PPP2R5E: variants seen among roughly 807,000 people sequenced by gnomAD.
PPP2R5E encodes the protein protein phosphatase 2 regulatory subunit B'epsilon, also known as serine/threonine-protein phosphatase 2A 56 kDa regulatory subunit epsilon isoform.
Under a neutral mutation model 65.3 loss-of-function variants are expected in PPP2R5E, and 4 were observed. That is an observed-to-expected ratio of 0.06 (90% CI 0.03 to 0.14). The LOEUF is 0.14. PPP2R5E is among the 10% of genes least tolerant of loss of function. PPP2R5E has a pLI of 1.00. For missense variants in PPP2R5E, 274 were observed against 556.1 expected (o/e 0.49, Z 5.10); for synonymous variants, 183 against 187.4 (o/e 0.98, Z 0.19).
intron 5 of PPP2R5E, among the ~76,000 whole-genome samples, chr14:63,401,408 G>A (rs1885745695): frequency 6.6e-6 from 1 of 152,192 alleles, no homozygotes; most frequent in South Asian, 2.1e-4. Context: ...TCAAAGAAAA[G>A]AAGTTAAGAA....
intron 3 of PPP2R5E, among the ~76,000 whole-genome samples, chr14:63,424,658 G>A (rs1256825571): frequency 1.3e-5 from 2 of 151,814 alleles, no homozygotes; most frequent in South Asian, 2.1e-4. Context: ...GGCTGAGGCA[G>A]GAGAATGGCG....
intron 2 of PPP2R5E, among the ~76,000 whole-genome samples, chr14:63,462,076 T>TCA (rs774139030): frequency 0.23 from 33,940 of 150,308 alleles, 4,030 homozygotes; most frequent in East Asian, 0.31. Flanking sequence ...CAACTGTATT[T>TCA]TTTTTTTTTT....
intron 2 of PPP2R5E, among the ~76,000 whole-genome samples, chr14:63,494,171 A>G (rs774090687): frequency 3.9e-5 from 6 of 152,148 alleles, no homozygotes; most frequent in Middle Eastern, 3.2e-3. Flanking sequence ...GATGTTATCA[A>G]TAAGAAAGTG....
intron 2 of PPP2R5E, among the ~76,000 whole-genome samples, chr14:63,527,521 C>G (rs1893227282): frequency 6.6e-6 from 1 of 152,220 alleles, no homozygotes; most frequent in Non-Finnish European, 1.5e-5. Context: ...TATTCTTCAA[C>G]TCATACAGTG....
At chr14:63,467,397 AT>A (rs1277863681) in intron 2 of PPP2R5E, among the ~76,000 whole-genome samples, 3 of 152,120 alleles carry the variant, frequency 2.0e-5, no homozygotes, top group African/African-American at 4.8e-5. Context: ...TTTTGATATA[AT>A]TCAGCATTCT....
At chr14:63,399,110 C>CAACCCAAAT (rs563446506) in intron 5 of PPP2R5E, among the ~76,000 whole-genome samples, 152 of 152,196 alleles carry the variant, frequency 1.0e-3, no homozygotes, top group Non-Finnish European at 1.9e-3. Flanking sequence ...AAAACTGAAA[C>CAACCCAAAT]AACCCAAATA....
At chr14:63,441,064 T>C (rs1345017985) in intron 3 of PPP2R5E, among the ~76,000 whole-genome samples, 1 of 152,180 alleles carries the variant, frequency 6.6e-6, no homozygotes, top group Non-Finnish European at 1.5e-5. Context: ...TTCCTTTACC[T>C]TATCTACAAA....
rs1336021053 is a variant in PPP2R5E, at chr14:63,426,646, T to C, written c.355-4552A>G. 2.1e-5 allele frequency among the ~76,000 whole-genome samples: 3 copies of C among 146,182 alleles called. No individual in the cohort carries two copies. In the East Asian group the frequency reaches 6.0e-4, roughly 29 times the overall value. On this transcript the variant is annotated intron_variant, in intron 3 of 13. Coordinates refer to ENST00000337537, the MANE Select transcript of PPP2R5E (RefSeq NM_006246.5). The stretch of plus-strand genomic sequence containing the variant: ...CTTGAACTTGTTTATATAAGACTAC[T>C]GCTGTCAAGCGAGAGTTAAGAATCA...
intron 5 of PPP2R5E, among the ~76,000 whole-genome samples, chr14:63,414,395 T>C (rs148795396): frequency 1.8e-3 from 279 of 152,344 alleles, no homozygotes; most frequent in African/African-American, 6.4e-3. Flanking sequence ...TAAACATTTA[T>C]TCTTTCCTAC....
At chr14:63,415,009 G>T in intron 5 of PPP2R5E, 131 bp downstream of exon 5, 1 of 451,182 alleles carries the variant, frequency 2.2e-6, no homozygotes, top group Non-Finnish European at 3.9e-6. Flanking sequence ...ATTAACTTAT[G>T]TTTATATATA....
chr14:63,414,156 G>A (rs941570357), intron 5 of PPP2R5E, among the ~76,000 whole-genome samples: 2 of 152,168 alleles, frequency 1.3e-5, no homozygotes, highest in African/African-American at 4.8e-5. Flanking sequence ...AATTGGCTAT[G>A]GTTCAACCTA....
intron 2 of PPP2R5E, among the ~76,000 whole-genome samples, chr14:63,516,790 C>T (rs1892686655): frequency 6.6e-6 from 1 of 152,208 alleles, no homozygotes; most frequent in Admixed American, 6.5e-5. Flanking sequence ...AGCAAAGCAG[C>T]TCATATTTGG....
At chr14:63,376,959 C>T (rs1183755589) in intron 13 of PPP2R5E, among the ~76,000 whole-genome samples, 1 of 151,806 alleles carries the variant, frequency 6.6e-6, no homozygotes, top group Non-Finnish European at 1.5e-5. Context: ...TCAGTGAGAC[C>T]CCGTCTCTAC....
chr14:63,518,684 T>G (rs1892760251), intron 2 of PPP2R5E, among the ~76,000 whole-genome samples: 1 of 152,158 alleles, frequency 6.6e-6, no homozygotes, highest in Non-Finnish European at 1.5e-5. Context: ...CACAATATCA[T>G]AAAATACAAT....
chr14:63,407,616 C>T (rs567930875), intron 5 of PPP2R5E, among the ~76,000 whole-genome samples: 58 of 152,058 alleles, frequency 3.8e-4, no homozygotes, highest in African/African-American at 1.4e-3. Flanking sequence ...ACATAATCAC[C>T]CCCTTCCAGC....
intron 3 of PPP2R5E, among the ~76,000 whole-genome samples, chr14:63,433,362 G>A (rs1377118427): frequency 6.6e-6 from 1 of 152,054 alleles, no homozygotes; most frequent in African/African-American, 2.4e-5. Context: ...GGCTCTGTGG[G>A]TACAACATGG....
intron 3 of PPP2R5E, among the ~76,000 whole-genome samples, chr14:63,433,249 G>A (rs565088741): frequency 9.2e-5 from 14 of 152,008 alleles, no homozygotes; most frequent in Non-Finnish European, 1.8e-4. Flanking sequence ...TGTTGCTCAG[G>A]CTGATCTCAA....
intron 2 of PPP2R5E, among the ~76,000 whole-genome samples, chr14:63,491,393 A>T (rs1006086013): frequency 1.3e-5 from 2 of 152,148 alleles, no homozygotes; most frequent in Admixed American, 6.5e-5. Flanking sequence ...AAAAAGCAGT[A>T]TGACCAGTCC....
intron 2 of PPP2R5E, among the ~76,000 whole-genome samples, chr14:63,523,399 G>A (rs1893047948): frequency 6.6e-6 from 1 of 152,250 alleles, no homozygotes; most frequent in Non-Finnish European, 1.5e-5. Context: ...CTGTTGATCT[G>A]TGACCTTACC....
Sources: gnomAD v4.1 joint callset for allele counts (sites outside exome capture counted in the v4.1 genomes callset) on GRCh38, gnomAD v4.1.1 for gene constraint, MANE v1.5 for transcripts, NCBI Gene and HGNC (gene_info 2026-07-23, HGNC 2026-07-21) for gene names.